Variants in EPHB1 observed in about 807,000 individuals in gnomAD.
EPHB1 encodes EPH receptor B1.
Under a neutral mutation model 94.4 loss-of-function variants are expected in EPHB1, and 30 were observed. The ratio of observed to expected loss-of-function variants is 0.32; its 90% CI spans 0.24 to 0.43. The LOEUF (loss-of-function observed/expected upper bound fraction) is 0.43, where lower values mean the gene tolerates loss of function less well. Ranked by LOEUF, EPHB1 falls within the 20% of genes least tolerant of loss-of-function variation. The pLI is 1.00. For missense variants in EPHB1, 1,055 were observed against 1,308.3 expected, an observed-to-expected ratio of 0.81 and a Z score of 2.99; for synonymous variants, 522 against 489.1, an observed-to-expected ratio of 1.07 and a Z score of -0.89.
At chr3:135,124,391 CT>C (rs1940110323) in intron 4 of EPHB1, among the ~76,000 whole-genome samples, 1 of 151,718 alleles carries the variant, frequency 6.6e-6, no homozygotes, top group Non-Finnish European at 1.5e-5. Context: ...TGTTTTCTGA[CT>C]CCTTCACTAG....
At chr3:135,005,050 T>A (rs1173622732) in intron 3 of EPHB1, among the ~76,000 whole-genome samples, 5 of 152,264 alleles carry the variant, frequency 3.3e-5, no homozygotes, top group Non-Finnish European at 7.3e-5. Context: ...TTTTAGAGTT[T>A]CCATTTTTTC....
chr3:135,010,712 C>T (rs938005033), intron 3 of EPHB1, among the ~76,000 whole-genome samples: 1 of 151,900 alleles, frequency 6.6e-6, no homozygotes, highest in Admixed American at 6.6e-5. Flanking sequence ...TACAGGCAAG[C>T]GCCACCACGC....
chr3:135,039,407 A>G lies in EPHB1; in HGVS notation c.806-67041A>G, dbSNP rs573925214. Among the ~76,000 whole-genome samples, 324 of 152,326 alleles carry G rather than the reference A, an allele frequency of 2.1e-3. 1 individual carries two copies. The highest frequency in any genetic ancestry group is 6.8e-3 in the Middle Eastern group (2 of 294). On this transcript the variant is annotated intron_variant, in intron 3 of 15. Transcript: ENST00000398015. ...GGGGCTGCAGGTGGAGCTGCCTGCC[A>G]GTCCTGCACCGTGCGCTCGCATTCC...
intron 10 of EPHB1, among the ~76,000 whole-genome samples, chr3:135,189,413 T>A (rs528746500): frequency 6.6e-6 from 1 of 152,330 alleles, no homozygotes; most frequent in South Asian, 2.1e-4. Flanking sequence ...CCTGGCTTCA[T>A]GGACCTGTGA....
At chr3:135,041,534 A>T (rs1169357976) in intron 3 of EPHB1, among the ~76,000 whole-genome samples, 1 of 152,228 alleles carries the variant, frequency 6.6e-6, no homozygotes, top group East Asian at 1.9e-4. Flanking sequence ...ATGAAAAGGA[A>T]GGTCCAGACT....
intron 9 of EPHB1, among the ~76,000 whole-genome samples, chr3:135,173,088 G>A (rs1941854788): frequency 6.7e-6 from 1 of 148,256 alleles, no homozygotes; most frequent in Non-Finnish European, 1.5e-5. Context: ...AGGCTGGAGT[G>A]CAGTGGCGGG....
intron 2 of EPHB1, among the ~76,000 whole-genome samples, chr3:134,933,600 G>A (rs1333050252): frequency 6.6e-6 from 1 of 152,144 alleles, no homozygotes; most frequent in Non-Finnish European, 1.5e-5. Flanking sequence ...TTATAGCCAG[G>A]CACACATGAA....
Position 134,996,509 on chromosome 3 carries a change from T to C in EPHB1, c.805+44457T>C, listed in dbSNP as rs879185354. Among the ~76,000 whole-genome samples, 8 of 152,172 alleles carry C rather than the reference T, an allele frequency of 5.3e-5. No individual in the cohort carries two copies. The East Asian group carries it at 9.6e-4, about 18-fold the overall frequency. ...GCCATAATAGATAATATTCTTAAGA[T>C]AAATCCAACACGTAGAAGTTTTGGA... is the stretch of plus-strand genomic sequence containing the variant. On this transcript the variant is annotated intron_variant, in intron 3 of 15. Transcript: ENST00000398015.
At chr3:134,903,821 A>T (rs927449613) in intron 1 of EPHB1, among the ~76,000 whole-genome samples, 9 of 152,220 alleles carry the variant, frequency 5.9e-5, no homozygotes, top group Non-Finnish European at 1.3e-4. Flanking sequence ...GCTGGTTATT[A>T]TTCCATTGTT....
intron 1 of EPHB1, among the ~76,000 whole-genome samples, chr3:134,859,616 C>G (rs1298678806): frequency 6.6e-6 from 1 of 152,208 alleles, no homozygotes; most frequent in African/African-American, 2.4e-5. Flanking sequence ...AGCATCTTCC[C>G]TCTGAGCTTC....
intron 3 of EPHB1, among the ~76,000 whole-genome samples, chr3:135,025,099 TTCCC>T (rs546186986): frequency 0.064 from 8,841 of 137,114 alleles, 460 homozygotes; most frequent in Non-Finnish European, 0.11. Flanking sequence ...CCTTCCTTCC[TTCCC>T]TCCCTCCCTC....
At chr3:134,827,527 C>T (rs76707108) in intron 1 of EPHB1, among the ~76,000 whole-genome samples, 1,990 of 152,316 alleles carry the variant, frequency 0.013, 14 homozygotes, top group Middle Eastern at 0.02. Flanking sequence ...CTAAAGCTCT[C>T]CTATCATGAT....
chr3:134,973,025 C>T (rs1414454839), intron 3 of EPHB1, among the ~76,000 whole-genome samples: 3 of 152,198 alleles, frequency 2.0e-5, no homozygotes, highest in African/African-American at 7.2e-5. Flanking sequence ...CCTTCTTGCT[C>T]CCTCCACAGC....
intron 11 of EPHB1, among the ~76,000 whole-genome samples, chr3:135,193,624 AG>A (rs1211886188): frequency 6.6e-6 from 1 of 152,218 alleles, no homozygotes; most frequent in Non-Finnish European, 1.5e-5. Flanking sequence ...GAATGGGCAG[AG>A]CCTTCTGAGC....
intron 3 of EPHB1, among the ~76,000 whole-genome samples, chr3:134,958,642 T>C (rs1015881523): frequency 2.0e-5 from 3 of 152,102 alleles, no homozygotes; most frequent in Admixed American, 6.5e-5. Context: ...AACATGAGCT[T>C]CATAATAGGA....
At chr3:135,096,295 C>T (rs1192120186) in intron 3 of EPHB1, among the ~76,000 whole-genome samples, 2 of 152,320 alleles carry the variant, frequency 1.3e-5, no homozygotes, top group East Asian at 3.9e-4. Context: ...AAATAACTTG[C>T]TTAAGATCAC....
At chr3:134,813,021 G>A (rs528599355) in intron 1 of EPHB1, among the ~76,000 whole-genome samples, 49 of 152,286 alleles carry the variant, frequency 3.2e-4, no homozygotes, top group Non-Finnish European at 6.9e-4. Context: ...CAGACAATTT[G>A]GGTTGCCCTG....
chr3:134,994,830 G>A (rs1326595237), intron 3 of EPHB1, among the ~76,000 whole-genome samples: 6 of 152,196 alleles, frequency 3.9e-5, no homozygotes, highest in Middle Eastern at 6.8e-3. Flanking sequence ...GTATTCTCAC[G>A]AAGTTTTAAG....
intron 4 of EPHB1, among the ~76,000 whole-genome samples, chr3:135,119,594 G>A (rs553563547): frequency 6.6e-6 from 1 of 152,048 alleles, no homozygotes; most frequent in African/African-American, 2.4e-5. Flanking sequence ...CTGGGCTACA[G>A]GTACGCATCA....
Sources: allele counts gnomAD v4.1 joint callset (sites outside exome capture counted in the v4.1 genomes callset), GRCh38; gene constraint gnomAD v4.1.1; transcripts MANE v1.5; gene names NCBI Gene and HGNC (gene_info 2026-07-23, HGNC 2026-07-21).